AOPEP: variants seen among roughly 807,000 people sequenced by gnomAD.
AOPEP encodes aminopeptidase O (putative), also known as aminopeptidase O.
In AOPEP, 77 loss-of-function variants were observed where a neutral mutation model predicts 98.1. That is an observed-to-expected ratio of 0.78 (90% CI 0.65 to 0.95). The LOEUF is 0.95. Ranked by LOEUF, AOPEP falls within the 40% of genes least tolerant of loss-of-function variation. The probability of loss-of-function intolerance (pLI) is 0.00; values close to 1 mark genes in which losing one functional copy is unlikely to be tolerated. For synonymous variants in AOPEP, 346 were observed against 365.3 expected, an observed-to-expected ratio of 0.95 and a Z score of 0.60; for missense variants, 1,024 against 1,024.7, an observed-to-expected ratio of 1.00 and a Z score of 0.01.
intron 5 of AOPEP, among the ~76,000 whole-genome samples, chr9:94,801,706 C>T (rs1217742048): frequency 6.6e-6 from 1 of 152,152 alleles, no homozygotes; most frequent in Non-Finnish European, 1.5e-5. Context: ...CTGTGTTCCA[C>T]TGAGAAAAGA....
chr9:94,943,926 A>AC (rs1481193166), intron 7 of AOPEP, among the ~76,000 whole-genome samples: 4 of 140,444 alleles, frequency 2.8e-5, no homozygotes, highest in Non-Finnish European at 4.4e-5. Flanking sequence ...TCTCAAAAAA[A>AC]AAAAAAAAAA....
intron 5 of AOPEP, among the ~76,000 whole-genome samples, chr9:94,838,867 C>T (rs1258238677): frequency 1.4e-5 from 2 of 143,102 alleles, no homozygotes; most frequent in Non-Finnish European, 3.0e-5. Flanking sequence ...AAGTATTTCA[C>T]TTTTTTTGGA....
chr9:94,916,999 A>C (rs999402680), intron 5 of AOPEP, among the ~76,000 whole-genome samples: 1 of 152,164 alleles, frequency 6.6e-6, no homozygotes, highest in Admixed American at 6.5e-5. Context: ...CTGATTCTTT[A>C]GCTTTGAAAC....
intron 2 of AOPEP, among the ~76,000 whole-genome samples, chr9:94,767,126 C>A (rs10993340): frequency 0.089 from 13,496 of 152,230 alleles, 717 homozygotes; most frequent in African/African-American, 0.13. Flanking sequence ...CCACAATTAG[C>A]ACCTTTTTTT....
chr9:94,842,743 T>G (rs1564238893), intron 5 of AOPEP, among the ~76,000 whole-genome samples: 2 of 152,152 alleles, frequency 1.3e-5, no homozygotes, highest in Admixed American at 6.6e-5. Flanking sequence ...AGAAATTATC[T>G]CAATTTACAT....
At chr9:94,990,967 C>T (rs534197914) in intron 11 of AOPEP, among the ~76,000 whole-genome samples, 1 of 152,366 alleles carries the variant, frequency 6.6e-6, no homozygotes, top group South Asian at 2.1e-4. Flanking sequence ...ACTCTTCCCA[C>T]ACCTGGAAGG....
At chr9:94,874,354 A>G (rs2046677955) in intron 5 of AOPEP, among the ~76,000 whole-genome samples, 1 of 152,126 alleles carries the variant, frequency 6.6e-6, no homozygotes, top group African/African-American at 2.4e-5. Flanking sequence ...TACAAACAGC[A>G]TCTAAAAGAA....
At chr9:94,768,236 A>G (rs899089660) in intron 2 of AOPEP, among the ~76,000 whole-genome samples, 2 of 152,134 alleles carry the variant, frequency 1.3e-5, no homozygotes, top group Non-Finnish European at 2.9e-5. Flanking sequence ...CTGTGGGCTC[A>G]TTACCTCCAA....
At chr9:94,789,822 G>A (rs1845252553) in intron 3 of AOPEP, among the ~76,000 whole-genome samples, 1 of 152,094 alleles carries the variant, frequency 6.6e-6, no homozygotes, top group South Asian at 2.1e-4. Flanking sequence ...CACTGGATTG[G>A]CTTCAGTGTC....
chr9:94,766,650 G>A (rs796625469), intron 2 of AOPEP, among the ~76,000 whole-genome samples: 7 of 152,320 alleles, frequency 4.6e-5, no homozygotes, highest in Admixed American at 1.3e-4. Flanking sequence ...CTGAGCTTAA[G>A]CTGATGACAT....
chr9:94,811,684 G>A (rs1850623111), intron 5 of AOPEP, among the ~76,000 whole-genome samples: 1 of 152,198 alleles, frequency 6.6e-6, no homozygotes, highest in Non-Finnish European at 1.5e-5. Context: ...GGCCACTGCA[G>A]GAAATTGCAC....
chr9:94,803,261 T>C (rs1588293783), intron 5 of AOPEP, among the ~76,000 whole-genome samples: 1 of 152,204 alleles, frequency 6.6e-6, no homozygotes, highest in African/African-American at 2.4e-5. Flanking sequence ...TTTATAAACA[T>C]GTATGCAAGA....
intron 1 of AOPEP, among the ~76,000 whole-genome samples, chr9:94,742,459 G>A (rs943005030): frequency 6.6e-6 from 1 of 150,556 alleles, no homozygotes; most frequent in Non-Finnish European, 1.5e-5. Flanking sequence ...TTTGGACTTA[G>A]TCTCACTCTG....
intron 2 of AOPEP, 99 bp from the exon 3 acceptor site, chr9:94,772,903 T>A (rs1841206442): frequency 8.3e-7 from 1 of 1,210,038 alleles, no homozygotes; most frequent in Non-Finnish European, 1.1e-6. Context: ...AAATGTTTTC[T>A]TTGAAAGCTC....
the AOPEP span, among the ~76,000 whole-genome samples, chr9:95,104,540 T>C: frequency 6.6e-6 from 1 of 152,182 alleles, no homozygotes; most frequent in African/African-American, 2.4e-5. Flanking sequence ...AGGCTGGCCC[T>C]TGCAGCATCT....
downstream of AOPEP, among the ~76,000 whole-genome samples, chr9:95,087,577 G>C (rs950178706): frequency 1.5e-5 from 2 of 134,622 alleles, no homozygotes; most frequent in African/African-American, 2.7e-5. Flanking sequence ...TTTCTTTGTT[G>C]TTTTCAAGGT....
chr9:95,042,054 T>G (rs1730140149), intron 13 of AOPEP, among the ~76,000 whole-genome samples: 2 of 152,308 alleles, frequency 1.3e-5, no homozygotes, highest in South Asian at 2.1e-4. Flanking sequence ...GGCTCATGCC[T>G]GTAATCCCAG....
At chr9:95,100,020 C>T in the AOPEP span, 477 of 232,374 alleles carry the variant, frequency 2.1e-3, 4 homozygotes, top group African/African-American at 0.01. Context: ...TAGGGGTTCC[C>T]TGCTGCCACC....
chr9:95,081,584 A>G (rs1023222274), intron 15 of AOPEP, among the ~76,000 whole-genome samples: 13 of 152,354 alleles, frequency 8.5e-5, no homozygotes, highest in African/African-American at 2.4e-4. Flanking sequence ...TCCTACAAAG[A>G]AAAGTACATG....
Sources: allele counts gnomAD v4.1 joint callset (sites outside exome capture counted in the v4.1 genomes callset), GRCh38; gene constraint gnomAD v4.1.1; transcripts MANE v1.5; gene names NCBI Gene and HGNC (gene_info 2026-07-23, HGNC 2026-07-21).